The following SUCO variants were observed in gnomAD, a reference collection of about 807,000 sequenced individuals.
SUCO encodes SUN domain-containing ossification factor.
Under a neutral mutation model 148.1 loss-of-function variants are expected in SUCO, and 57 were observed. That is an observed-to-expected ratio of 0.38 (90% CI 0.31 to 0.48). The LOEUF (loss-of-function observed/expected upper bound fraction) is 0.48. Among genes scored for constraint, SUCO ranks in the 20% least tolerant of loss-of-function variants. The pLI is 0.96. For synonymous variants in SUCO, 470 were observed against 502.7 expected (o/e 0.93, Z 0.87); for missense variants, 1,331 against 1,468.2 (o/e 0.91, Z 1.53).
At chr1:172,608,865 G>A (rs2149275330) in intron 23 of SUCO, 63 bp downstream of exon 23, 1 of 1,143,068 alleles carries the variant, frequency 8.7e-7, no homozygotes, top group Non-Finnish European at 1.3e-6. Flanking sequence ...AAGAAAAGAG[G>A]TTGAAAGGTT....
At position 172,584,128 on chromosome 1, in the gene SUCO, C is replaced by T. The variant is rs115054135; in HGVS notation, c.1499-890C>T. Among the ~76,000 whole-genome samples, 1,457 of 152,138 alleles carry T rather than the reference C, an allele frequency of 9.6e-3. 25 individuals carry two copies. Among genetic ancestry groups the T allele is most frequent in the African/African-American group, 0.033 (1,390 of 41,504 alleles). ...TTTGGTCAATGAGTTTTTTAAAAGT[C>T]ATCAAAGAGATTTGATTCTATGCAA... On this transcript the variant is annotated intron_variant, in intron 15 of 23. Coordinates refer to ENST00000263688, the MANE Select transcript of SUCO (RefSeq NM_014283.5).
Position 172,578,319 on chromosome 1 carries a change from G to A in SUCO, c.1362G>A (p.Val454=), listed in dbSNP as rs114255403. Residue 454 remains valine, a synonymous_variant, in exon 14 of 24, where the codon GTG becomes GTA. Coordinates refer to ENST00000263688, the MANE Select transcript of SUCO (RefSeq NM_014283.5). ...ATAGGGTATTTGGCACTAGCATGGT[G>A]GAAGAATATGAAGAAATTGCTGATT... ...SLIRVFGTSM[V]EEYEEIADSQ... is the part of the protein sequence containing the mutation. The A allele has an allele frequency of 5.0e-6, 8 of 1,611,754 alleles. No homozygotes were observed. The highest frequency in any genetic ancestry group is 1.3e-5 in the African/African-American group (1 of 74,824).
At chr1:172,550,162 TCTAGCCC>T (rs1653182703) in intron 1 of SUCO, among the ~76,000 whole-genome samples, 1 of 151,978 alleles carries the variant, frequency 6.6e-6, no homozygotes, top group South Asian at 2.1e-4. Flanking sequence ...TTCATATAGA[TCTAGCCC>T]CTCATATAAG....
chr1:172,578,910 G>A (rs553406505), intron 14 of SUCO, among the ~76,000 whole-genome samples: 2 of 152,102 alleles, frequency 1.3e-5, no homozygotes, highest in Non-Finnish European at 2.9e-5. Flanking sequence ...GTGAAATGAA[G>A]ACATTGACTA....
chr1:172,587,828 T>C (rs979376517), intron 17 of SUCO, among the ~76,000 whole-genome samples: 2 of 152,082 alleles, frequency 1.3e-5, no homozygotes, highest in Non-Finnish European at 2.9e-5. Context: ...ATTACCATAT[T>C]TTTTCATATT....
At chr1:172,557,454 T>G in intron 5 of SUCO, 37 bp downstream of exon 5, 1 of 1,612,534 alleles carries the variant, frequency 6.2e-7, no homozygotes, top group Non-Finnish European at 8.5e-7. Flanking sequence ...CTTATGATTC[T>G]GTAATAACAG....
chr1:172,548,308 A>C (rs1310073807), intron 1 of SUCO, among the ~76,000 whole-genome samples: 1 of 151,680 alleles, frequency 6.6e-6, no homozygotes, highest in African/African-American at 2.4e-5. Flanking sequence ...GTTAATTCCC[A>C]TTACTATCTT....
chr1:172,607,436 G>A (rs936852847), intron 22 of SUCO, among the ~76,000 whole-genome samples: 10 of 151,438 alleles, frequency 6.6e-5, no homozygotes, highest in Non-Finnish European at 1.2e-4. Context: ...ACTGTACACA[G>A]GGAGATGGTA....
At chr1:172,572,696 TAAAAAAAAAA>T (rs61248782) in intron 9 of SUCO, among the ~76,000 whole-genome samples, 1,719 of 49,684 alleles carry the variant, frequency 0.035, 19 homozygotes, top group Middle Eastern at 0.11. Flanking sequence ...GAATGATCAA[TAAAAAAAAAA>T]AAAAAAAAAA....
chr1:172,566,126 C>T (rs568999335), intron 6 of SUCO, among the ~76,000 whole-genome samples: 2 of 152,170 alleles, frequency 1.3e-5, no homozygotes, highest in African/African-American at 2.4e-5. Context: ...GCCACTTGCT[C>T]GTCTGCTCAG....
At chr1:172,587,877 A>C (rs1473243841) in intron 17 of SUCO, among the ~76,000 whole-genome samples, 1 of 152,068 alleles carries the variant, frequency 6.6e-6, no homozygotes, top group African/African-American at 2.4e-5. Flanking sequence ...GTAATTAACT[A>C]TCTTTATCTT....
chr1:172,543,894 C>T (rs1023246539), intron 1 of SUCO, among the ~76,000 whole-genome samples: 6 of 152,038 alleles, frequency 3.9e-5, no homozygotes, highest in Non-Finnish European at 1.5e-5. Flanking sequence ...CAGACTGATA[C>T]GTGGTTTAGA....
At chr1:172,596,297 A>G (rs1571280866) in intron 19 of SUCO, among the ~76,000 whole-genome samples, 2 of 152,346 alleles carry the variant, frequency 1.3e-5, no homozygotes, top group African/African-American at 4.8e-5. Context: ...TGTCAAAGTC[A>G]TTCTCCATCC....
intron 19 of SUCO, among the ~76,000 whole-genome samples, chr1:172,593,910 T>C (rs1313283630): frequency 6.6e-6 from 1 of 152,184 alleles, no homozygotes; most frequent in African/African-American, 2.4e-5. Flanking sequence ...GGTCCTGGAC[T>C]TTTTTTGGTT....
chr1:172,587,706 C>A (rs1343619061), intron 17 of SUCO, among the ~76,000 whole-genome samples: 3 of 152,048 alleles, frequency 2.0e-5, no homozygotes, highest in African/African-American at 7.2e-5. Flanking sequence ...TTACTTTCTT[C>A]TGTCTTTGCT....
chr1:172,532,739 G>A, upstream of SUCO: 6 of 1,613,986 alleles, frequency 3.7e-6, no homozygotes, highest in Admixed American at 1.7e-5. Context: ...AACGAATTCT[G>A]GAAGGCAAAC....
chr1:172,549,014 A>G (rs765375844), intron 1 of SUCO, among the ~76,000 whole-genome samples: 4 of 151,924 alleles, frequency 2.6e-5, no homozygotes, highest in Non-Finnish European at 4.4e-5. Flanking sequence ...AGGTGCATAT[A>G]TATTTGTAAT....
At chr1:172,603,969 G>T (rs1054946643) in intron 22 of SUCO, among the ~76,000 whole-genome samples, 1 of 151,824 alleles carries the variant, frequency 6.6e-6, no homozygotes, top group African/African-American at 2.4e-5. Context: ...ATTTCTGTTG[G>T]GTATACACTG....
At chr1:172,602,541 T>C in intron 21 of SUCO, 155 bp from the exon 22 acceptor site, 1 of 984,754 alleles carries the variant, frequency 1.0e-6, no homozygotes, top group East Asian at 1.1e-4. Context: ...ATCTCTAAAT[T>C]TTTTTTTCCA....
Sources: gnomAD v4.1 joint callset for allele counts (sites outside exome capture counted in the v4.1 genomes callset) on GRCh38, gnomAD v4.1.1 for gene constraint, MANE v1.5 for transcripts, NCBI Gene and HGNC (gene_info 2026-07-23, HGNC 2026-07-21) for gene names.